Variants in KIFC3 observed in about 807,000 individuals in gnomAD.
KIFC3 encodes the protein kinesin-like protein KIFC3.
A neutral mutation model predicts 101.8 loss-of-function variants in KIFC3; 60 were observed. The observed-to-expected ratio is 0.59, with a 90% CI of 0.48 to 0.73. The LOEUF is 0.73. Ranked by LOEUF, KIFC3 falls within the 30% of genes least tolerant of loss-of-function variation. KIFC3 has a pLI of 0.00. For synonymous variants in KIFC3, 476 were observed against 482.7 expected (o/e 0.99, Z 0.18); for missense variants, 966 against 1,137.1 (o/e 0.85, Z 2.16).
At chr16:57,806,426 A>G (rs1311911687), upstream of KIFC3, among the ~76,000 whole-genome samples, 1 of 152,048 alleles carries the variant, frequency 6.6e-6, no homozygotes, top group Non-Finnish European at 1.5e-5. Flanking sequence ...AGGCGGGCTC[A>G]ACTCACCCCC....
chr16:57,857,846 A>T (rs1487404347), intron 1 of KIFC3, among the ~76,000 whole-genome samples: 2 of 20,982 alleles, frequency 9.5e-5, no homozygotes, highest in Non-Finnish European at 1.3e-4. Flanking sequence ...TTTTTTTTTG[A>T]GACAGAGTCT....
intron 1 of KIFC3, among the ~76,000 whole-genome samples, chr16:57,820,744 C>T (rs1371329879): frequency 6.6e-6 from 1 of 152,192 alleles, no homozygotes; most frequent in Non-Finnish European, 1.5e-5. Flanking sequence ...TTGTCTTGTT[C>T]CCTGCTGACT....
At chr16:57,776,066 G>A in intron 3 of KIFC3, 1 of 985,508 alleles carries the variant, frequency 1.0e-6, no homozygotes, top group Non-Finnish European at 1.2e-6. Flanking sequence ...TGTTTTCTCA[G>A]CTGTCTGCTT....
chr16:57,805,507 C>T (rs570231445), upstream of KIFC3, among the ~76,000 whole-genome samples: 17 of 152,172 alleles, frequency 1.1e-4, no homozygotes, highest in African/African-American at 2.9e-4. Context: ...CCCTTCCTGC[C>T]GAACTCTGGC....
Position 57,795,048 on chromosome 16 carries a change from A to G in KIFC3, c.266T>C (p.Val89Ala). The part of the protein sequence containing the change: ...PALAQCRALS[V>A]DWAGPGSPHG... ...GGGGCTTCCGGGGCCAGCCCAGTCC[A>G]CGCTAAGGGCTCGGCACTGAGCTAG... is the stretch of plus-strand genomic sequence containing the variant. The change falls in exon 3 of 20, where the codon GTG becomes GCG. Residue 89 changes from valine (V) to alanine (A), a missense_variant. By Grantham distance (64) the Val-to-Ala change is moderately conservative. Transcript: ENST00000445690. The G allele has an allele frequency of 6.2e-7, 1 of 1,602,074 alleles. No individual in the cohort carries two copies. The highest frequency in any genetic ancestry group is 8.5e-7 in the Non-Finnish European group (1 of 1,175,490).
intron 1 of KIFC3, among the ~76,000 whole-genome samples, chr16:57,829,773 G>A (rs895175957): frequency 6.6e-6 from 1 of 152,128 alleles, no homozygotes; most frequent in Admixed American, 6.5e-5. Flanking sequence ...CAGAGTTGAC[G>A]TCTGTCCTTG....
At chr16:57,857,946 C>A (rs1199479911) in intron 1 of KIFC3, among the ~76,000 whole-genome samples, 2 of 151,028 alleles carry the variant, frequency 1.3e-5, no homozygotes, top group African/African-American at 4.9e-5. Flanking sequence ...CCTGCCTCAG[C>A]CTCCCGAGTA....
intron 1 of KIFC3, among the ~76,000 whole-genome samples, chr16:57,837,793 A>G (rs1262347474): frequency 6.6e-6 from 1 of 152,142 alleles, no homozygotes; most frequent in African/African-American, 2.4e-5. Flanking sequence ...TTAACAGTGC[A>G]CAGAAAACCC....
At chr16:57,838,114 A>G (rs2055732999) in intron 1 of KIFC3, among the ~76,000 whole-genome samples, 1 of 152,178 alleles carries the variant, frequency 6.6e-6, no homozygotes, top group South Asian at 2.1e-4. Flanking sequence ...CTTCTGAAGG[A>G]GCAATTGTTT....
chr16:57,795,144 G>A lies in KIFC3; in HGVS notation c.173-3C>T, dbSNP rs1449023509. 9.9e-6 allele frequency: 16 copies of A among 1,608,644 alleles called. No individual in the cohort carries two copies. The highest frequency in any genetic ancestry group is 1.4e-5 in the Non-Finnish European group (16 of 1,177,894). ...GACTGGGGTATCTTTTCCACGCCCTGTCCCAGGACAGAGAGATAGGTGAGA... is the reference window on the plus strand; with the variant it reads ...GACTGGGGTATCTTTTCCACGCCCTATCCCAGGACAGAGAGATAGGTGAGA... On this transcript the variant is annotated splice_polypyrimidine_tract_variant and splice_region_variant and intron_variant, in intron 2 of 19. Coordinates refer to ENST00000445690, the MANE Select transcript of KIFC3 (RefSeq NM_001130100.2).
chr16:57,836,263 C>G (rs1031154339), intron 1 of KIFC3, among the ~76,000 whole-genome samples: 7 of 152,126 alleles, frequency 4.6e-5, no homozygotes, highest in Non-Finnish European at 1.5e-5. Context: ...TACAGGCATT[C>G]CACTACACCC....
chr16:57,835,611 C>T (rs1207683547), intron 1 of KIFC3, among the ~76,000 whole-genome samples: 1 of 152,190 alleles, frequency 6.6e-6, no homozygotes, highest in Non-Finnish European at 1.5e-5. Flanking sequence ...AACCGTGATT[C>T]ACCCAAAGTT....
upstream of KIFC3, among the ~76,000 whole-genome samples, chr16:57,804,905 ATTTT>A (rs147019735): frequency 9.7e-5 from 13 of 133,942 alleles, no homozygotes; most frequent in Non-Finnish European, 9.8e-5. Context: ...GCCTGACTCA[ATTTT>A]TTTTTTTTTT....
At chr16:57,787,102 A>G (rs1434792385) in intron 3 of KIFC3, among the ~76,000 whole-genome samples, 1 of 152,212 alleles carries the variant, frequency 6.6e-6, no homozygotes. Flanking sequence ...GTGAGATCAG[A>G]CGGATGCTTC....
intron 3 of KIFC3, among the ~76,000 whole-genome samples, chr16:57,794,516 G>A (rs1007398015): frequency 3.3e-5 from 5 of 152,090 alleles, no homozygotes; most frequent in African/African-American, 7.2e-5. Context: ...CTGAGCCACC[G>A]CGCCTAGCCT....
chr16:57,838,750 G>A (rs1225242061), intron 1 of KIFC3, among the ~76,000 whole-genome samples: 1 of 152,080 alleles, frequency 6.6e-6, no homozygotes, highest in African/African-American at 2.4e-5. Flanking sequence ...ATTTCTTCAC[G>A]GGTTTTGCCC....
chr16:57,794,863 G>C, intron 3 of KIFC3, 136 bp downstream of exon 3: 1 of 706,308 alleles, frequency 1.4e-6, no homozygotes, highest in Non-Finnish European at 2.1e-6. Flanking sequence ...GGGGTCATGA[G>C]GGGCCCAACA....
rs573417531 is a variant in KIFC3 at position 57,764,068 on chromosome 16, C to T, written c.1617+75G>A. 4 of 1,047,070 alleles carry T rather than the reference C, an allele frequency of 3.8e-6. No homozygotes were observed. The East Asian group carries it at 7.1e-5, about 19-fold the overall frequency. 64.9% of individuals were successfully genotyped at this position (1,047,070 alleles called of 1,614,324 possible). On this transcript the variant is annotated intron_variant, in intron 12 of 19. Transcript: ENST00000445690. ...GAGGCAAAACACACACTGCACAATA[C>T]CCCAAGACCAATGAGGGAGCCCGCA...
rs554058092 is a variant in KIFC3 at position 57,759,147 on chromosome 16, C to T, written c.*2G>A. 3.2e-5 allele frequency: 50 copies of T among 1,550,886 alleles called. 1 individual carries two copies. In the Admixed American group the frequency reaches 3.5e-4, roughly 11 times the overall value. ...CACCTAGAGACTCTGCAGCCCCAGC[C>T]GTCAGGCTGAAATCAAAGTGACAGG... On this transcript the variant is annotated 3_prime_UTR_variant, in exon 19 of 20. Transcript: ENST00000445690.
Sources: allele counts gnomAD v4.1 joint callset (sites outside exome capture counted in the v4.1 genomes callset), GRCh38; gene constraint gnomAD v4.1.1; transcripts MANE v1.5; gene names NCBI Gene and HGNC (gene_info 2026-07-23, HGNC 2026-07-21).